TTC34: variants seen among roughly 807,000 people sequenced by gnomAD.
The protein encoded by TTC34 is tetratricopeptide repeat protein 34.
Under a neutral mutation model 40.7 loss-of-function variants are expected in TTC34, and 44 were observed. The ratio of observed to expected loss-of-function variants is 1.08; its 90% CI spans 0.85 to 1.39. The LOEUF (loss-of-function observed/expected upper bound fraction) is 1.39. TTC34 is among the 40% of genes most tolerant of loss of function. The pLI is 0.00. For synonymous variants in TTC34, 422 were observed against 398.6 expected (o/e 1.06, Z -0.70); for missense variants, 884 against 838.0 (o/e 1.05, Z -0.68).
In TTC34 at chr1:2,694,467, C is replaced by G. The variant is rs575633886; in HGVS notation, c.2227-48904G>C. Among the ~76,000 whole-genome samples, 68 of 121,830 alleles carry G rather than the reference C, an allele frequency of 5.6e-4. 2 individuals are homozygous for G. Among genetic ancestry groups the G allele is most frequent in the African/African-American group, 2.2e-3 (63 of 28,038 alleles). 79.9% of individuals were successfully genotyped at this position (121,830 alleles called of 152,430 possible). ...ATTCGACAGCCTGGAGCAGCACCCA[C>G]AACCCCAGGCGTGCATCCGACAGCC... On this transcript the variant is annotated intron_variant, in intron 6 of 8. Coordinates refer to ENST00000401095, the Ensembl canonical transcript of TTC34.
intron 6 of TTC34, among the ~76,000 whole-genome samples, chr1:2,685,790 A>C (rs200388275): frequency 6.1e-4 from 71 of 115,736 alleles, no homozygotes; most frequent in Middle Eastern, 0.019. Context: ...CCTGGAACAG[A>C]ACCCACACCC....
Position 2,694,744 on chromosome 1 carries a change from C to G in TTC34, c.2227-49181G>C, listed in dbSNP as rs534961365. Among the ~76,000 whole-genome samples the G allele has an allele frequency of 2.8e-5, 2 of 72,264 alleles. 1 individual carries two copies. The highest frequency in any genetic ancestry group is 8.9e-5 in the African/African-American group (2 of 22,416). 47.4% of individuals were successfully genotyped at this position (72,264 alleles called of 152,430 possible). On this transcript the variant is annotated intron_variant, in intron 6 of 8. Transcript: ENST00000401095. ...GAGCATCTGACATCGTGGAGCAGCA[C>G]CCCAAACCCACAGGTGAGCATCCGA...
rs536822857 is a variant in TTC34 at position 2,691,498 on chromosome 1, C to T, written c.2227-45935G>A. On this transcript the variant is annotated intron_variant, in intron 6 of 8. Transcript: ENST00000401095. Reference sequence around the variant, plus strand: ...GCATCTGATGGTCTGGAGCAGCACCCAAAACCACAGGTGAGCATCGGAGAG... The same window carrying T: ...GCATCTGATGGTCTGGAGCAGCACCTAAAACCACAGGTGAGCATCGGAGAG... 1.9e-5 allele frequency among the ~76,000 whole-genome samples: 2 copies of T among 106,638 alleles called. 1 individual carries two copies. Among genetic ancestry groups the T allele is most frequent in the East Asian group, 5.4e-4 (2 of 3,702 alleles). 70.0% of individuals were successfully genotyped at this position (106,638 alleles called of 152,430 possible).
Position 2,673,961 on chromosome 1 carries a change from C to CA in TTC34, c.2227-28399dup, listed in dbSNP as rs1323823827. Among the ~76,000 whole-genome samples, 6 of 58,784 alleles carry CA rather than the reference C, an allele frequency of 1.0e-4. 1 individual carries two copies. Among genetic ancestry groups the CA allele is most frequent in the African/African-American group, 4.1e-4 (6 of 14,530 alleles). The allele number at this position is 58,784 out of a possible 152,430, so 38.6% of individuals were successfully genotyped here. On this transcript the variant is annotated intron_variant, in intron 6 of 8. Coordinates refer to ENST00000401095, the Ensembl canonical transcript of TTC34. ...ACCCATGGAGCAGCACACACGCCCC[C>CA]AGGCGAGCATCTGACCGAACGGAGC... is the stretch of plus-strand genomic sequence containing the variant.
chr1:2,682,587 AG>A, intron 6 of TTC34, among the ~76,000 whole-genome samples: 1 of 148,476 alleles, frequency 6.7e-6, no homozygotes, highest in Non-Finnish European at 1.5e-5. Flanking sequence ...CAGCACCCAC[AG>A]CCCAAGGTGA....
rs1440129648 is a variant in TTC34 at position 2,752,571 on chromosome 1, A to T, written c.2226+31038T>A. Among the ~76,000 whole-genome samples, 2 of 52,014 alleles carry T rather than the reference A, an allele frequency of 3.8e-5. 1 individual carries two copies. Among genetic ancestry groups the T allele is most frequent in the East Asian group, 2.2e-3 (2 of 908 alleles). 34.1% of individuals were successfully genotyped at this position (52,014 alleles called of 152,430 possible). A position where few individuals can be genotyped will look rare whatever the true frequency, so the allele number is the denominator to read the frequency against. ...CTGACAGCCTGGAACAGCACCTTGC[A>T]CCCCCAGGTGAGAATCTGACAACCT... On this transcript the variant is annotated intron_variant, in intron 6 of 8. Coordinates refer to ENST00000401095, the Ensembl canonical transcript of TTC34.
At chr1:2,799,977 C>T (rs932146711) in intron 2 of TTC34, 67 bp downstream of exon 2, 1 of 398,274 alleles carries the variant, frequency 2.5e-6, no homozygotes, top group Non-Finnish European at 4.4e-6. Context: ...AGGACATAAC[C>T]ATGTGGGGAG....
intron 6 of TTC34, among the ~76,000 whole-genome samples, chr1:2,749,519 CAG>C (rs1641248755): frequency 3.0e-5 from 2 of 65,642 alleles, no homozygotes; most frequent in Admixed American, 3.0e-4. Flanking sequence ...GAGCAGCACC[CAG>C]ATTCCCAGGC....
chr1:2,686,727 A>T (rs2100342434), intron 6 of TTC34, among the ~76,000 whole-genome samples: 1 of 145,742 alleles, frequency 6.9e-6, no homozygotes, highest in South Asian at 2.2e-4. Context: ...ACACACCCCC[A>T]GGCGAGCATC....
chr1:2,775,232 C>T (rs1249394820), intron 6 of TTC34: 2 of 150,828 alleles, frequency 1.3e-5, no homozygotes, highest in Admixed American at 6.6e-5. Flanking sequence ...TCCACACCCC[C>T]AGGCGAGCAT....
chr1:2,683,566 T>G (rs1640179394), intron 6 of TTC34, among the ~76,000 whole-genome samples: 2 of 133,460 alleles, frequency 1.5e-5, no homozygotes, highest in South Asian at 4.7e-4. Context: ...CAGGTGAGCA[T>G]CCGACAGCCT....
intron 2 of TTC34, among the ~76,000 whole-genome samples, chr1:2,798,907 C>T (rs1643742073): frequency 8.7e-6 from 1 of 114,968 alleles, no homozygotes; most frequent in African/African-American, 3.6e-5. Context: ...CCCAGCCTCT[C>T]AGCCTCCAAG....
At chr1:2,698,966 T>A (rs576454552) in intron 6 of TTC34, among the ~76,000 whole-genome samples, 2 of 112,382 alleles carry the variant, frequency 1.8e-5, no homozygotes, top group East Asian at 3.0e-4. Flanking sequence ...AACATCACCC[T>A]GCCCCCCCAG....
chr1:2,638,015 G>A (rs1046377463), exon 9 of TTC34: 2 of 152,204 alleles, frequency 1.3e-5, no homozygotes, highest in African/African-American at 2.4e-5. Flanking sequence ...TCCAGGGGAA[G>A]CAGCTTGTCC....
At chr1:2,688,773 C>A (rs540693307) in intron 6 of TTC34, among the ~76,000 whole-genome samples, 4 of 115,058 alleles carry the variant, frequency 3.5e-5, no homozygotes, top group Non-Finnish European at 6.8e-5. Context: ...CACCCACATC[C>A]CCAGGCGAGC....
At chr1:2,692,506 C>G (rs1326726625) in intron 6 of TTC34, among the ~76,000 whole-genome samples, 13 of 94,080 alleles carry the variant, frequency 1.4e-4, no homozygotes, top group Non-Finnish European at 2.5e-4. Context: ...AGCCTGCACC[C>G]CCAGGTGTGC....
In TTC34 at chr1:2,644,404, G is replaced by A. The variant is rs773496669; in HGVS notation, c.2572C>T (p.Arg858Trp). The A allele has an allele frequency of 2.8e-5, 43 of 1,535,902 alleles. No individual in the cohort carries two copies. The South Asian group carries it at 3.7e-4, about 13-fold the overall frequency. ...TTCTTGAGCTGGAGCAGGCCCAGCC[G>A]GGCCCGGGCTGCCTCTGACGTTGGG... The change falls in exon 8 of 9, where the codon CGG becomes TGG. Residue 858 changes from arginine to tryptophan, a missense_variant. Coordinates refer to ENST00000401095, the Ensembl canonical transcript of TTC34.
At chr1:2,694,835 C>G (rs112836902) in intron 6 of TTC34, among the ~76,000 whole-genome samples, 1 of 92,928 alleles carries the variant, frequency 1.1e-5, no homozygotes. Flanking sequence ...CCCACACCCC[C>G]AGGTGAGCAT....
At chr1:2,800,139 G>A (rs962386574) in exon 2 of TTC34, 1 of 398,578 alleles carries the variant, frequency 2.5e-6, no homozygotes, top group African/African-American at 2.1e-5. Context: ...AGCTTCAGGT[G>A]ACAGGGTGTC....
Sources: allele counts gnomAD v4.1 joint callset (sites outside exome capture counted in the v4.1 genomes callset), GRCh38; gene constraint gnomAD v4.1.1; transcripts MANE v1.5; gene names NCBI Gene and HGNC (gene_info 2026-07-23, HGNC 2026-07-21).